Variants in MDH1 observed in about 807,000 individuals in gnomAD.
MDH1 encodes the protein malate dehydrogenase, cytoplasmic.
MDH1 carries 15 observed loss-of-function variants against 38.7 expected under a neutral mutation model. The ratio of observed to expected loss-of-function variants is 0.39; its 90% CI spans 0.26 to 0.60. MDH1 has a LOEUF of 0.60. MDH1 is among the 20% of genes least tolerant of loss of function. The probability of loss-of-function intolerance (pLI) is 0.56; values close to 1 mark genes in which losing one functional copy is unlikely to be tolerated. For missense variants in MDH1, 368 were observed against 405.2 expected (o/e 0.91, Z 0.79); for synonymous variants, 144 against 143.6 (o/e 1.00, Z -0.02).
At position 63,607,009 on chromosome 2, in the gene MDH1, T is replaced by C. The variant is rs752475056; in HGVS notation, c.*22T>C. 1 of 1,601,600 alleles carries C rather than the reference T, an allele frequency of 6.2e-7. No homozygotes were observed. Among genetic ancestry groups the C allele is most frequent in the Non-Finnish European group, 8.5e-7 (1 of 1,175,024 alleles). On this transcript the variant is annotated 3_prime_UTR_variant, in exon 9 of 9. Coordinates refer to ENST00000233114, the MANE Select transcript of MDH1 (RefSeq NM_005917.4). ...CTGACTAGACAATGATGTTACTAAA[T>C]GCTTCAAAGCTGAAGAATCTAAATG...
At chr2:63,592,783 A>G (rs1284846853) in intron 1 of MDH1, among the ~76,000 whole-genome samples, 1 of 152,214 alleles carries the variant, frequency 6.6e-6, no homozygotes, top group Non-Finnish European at 1.5e-5. Context: ...AGCAAATACC[A>G]GAGTTCCAAC....
chr2:63,601,005 T>G (rs75274505), intron 5 of MDH1, among the ~76,000 whole-genome samples: 6,968 of 152,270 alleles, frequency 0.046, 193 homozygotes, highest in South Asian at 0.073. Context: ...CAAAGGTACT[T>G]CAAAGAGATA....
At chr2:63,597,686 C>G (rs968789908) in intron 4 of MDH1, 112 bp downstream of exon 4, 1 of 961,962 alleles carries the variant, frequency 1.0e-6, no homozygotes, top group Non-Finnish European at 1.4e-6. Context: ...TCTGTACAAT[C>G]ATCAGTAAAT....
At chr2:63,594,244 A>G (rs1709259005) in intron 1 of MDH1, 1 of 588,248 alleles carries the variant, frequency 1.7e-6, no homozygotes, top group African/African-American at 1.8e-5. Flanking sequence ...AAATATCCCA[A>G]AAAAGGTGGA....
chr2:63,590,097 C>A (rs1431049318), intron 1 of MDH1: 3 of 152,292 alleles, frequency 2.0e-5, no homozygotes, highest in African/African-American at 7.2e-5. Flanking sequence ...AGGTGTTAAA[C>A]CTAGGTTTCC....
At chr2:63,590,299 A>G (rs1709161564) in intron 1 of MDH1, 1 of 152,162 alleles carries the variant, frequency 6.6e-6, no homozygotes, top group Non-Finnish European at 1.5e-5. Flanking sequence ...GAGTTTATCG[A>G]GACCCAAAGA....
chr2:63,598,558 T>A (rs934629660), intron 4 of MDH1, among the ~76,000 whole-genome samples: 1 of 152,194 alleles, frequency 6.6e-6, no homozygotes, highest in Non-Finnish European at 1.5e-5. Flanking sequence ...TGAAAGAAAA[T>A]TTTTTAAGAT....
Position 63,607,028 on chromosome 2 carries a change from C to CT in MDH1, c.*42dup. On this transcript the variant is annotated 3_prime_UTR_variant, in exon 9 of 9. Coordinates refer to ENST00000233114, the MANE Select transcript of MDH1 (RefSeq NM_005917.4). ...ACTAAATGCTTCAAAGCTGAAGAAT[C>CT]TAAATGTCGTCTTTGACTCAAGTAC... 6.4e-7 allele frequency: 1 copy of CT among 1,571,414 alleles called. No individual in the cohort carries two copies. Among genetic ancestry groups the CT allele is most frequent in the South Asian group, 1.2e-5 (1 of 84,110 alleles).
At chr2:63,590,952 T>C (rs987390356) in intron 1 of MDH1, 2 of 152,200 alleles carry the variant, frequency 1.3e-5, no homozygotes, top group African/African-American at 4.8e-5. Context: ...ATAAACTGTA[T>C]GAAGGAATCT....
rs1224657738 is a variant in MDH1, at chr2:63,597,589, A to G, written c.375+15A>G. 3.0e-6 allele frequency: 4 copies of G among 1,345,024 alleles called. No individual in the cohort carries two copies. Among genetic ancestry groups the G allele is most frequent in the East Asian group, 2.8e-5 (1 of 36,154 alleles). The allele number at this position is 1,345,024 out of a possible 1,614,324, so 83.3% of individuals were successfully genotyped here. On this transcript the variant is annotated intron_variant, in intron 4 of 8. Coordinates refer to ENST00000233114, the MANE Select transcript of MDH1 (RefSeq NM_005917.4). Reference sequence around the variant, plus strand: ...AGTCAGTTAAGGTGACCAATGCTGTATTTTATGGGATTTTTCATTATTAGC... The same window carrying G: ...AGTCAGTTAAGGTGACCAATGCTGTGTTTTATGGGATTTTTCATTATTAGC...
In MDH1 at chr2:63,593,771, T is replaced by C. The variant is rs545247661; in HGVS notation, c.4-717T>C. ...ATTGTTTTGTTCTTTTTAATAGATATATTTCTATCTTTTAAAATTCTGTCA... is the reference window on the plus strand; with the variant it reads ...ATTGTTTTGTTCTTTTTAATAGATACATTTCTATCTTTTAAAATTCTGTCA... On this transcript the variant is annotated intron_variant, in intron 1 of 8. Transcript: ENST00000233114. The C allele has an allele frequency of 8.1e-5, 35 of 432,078 alleles. 2 individuals carry two copies. The highest frequency in any genetic ancestry group is 1.6e-4 in the Non-Finnish European group (33 of 210,662). 26.8% of individuals were successfully genotyped at this position (432,078 alleles called of 1,614,324 possible).
chr2:63,595,556 T>G (rs1205554364), intron 3 of MDH1, 37 bp downstream of exon 3: 2 of 1,284,244 alleles, frequency 1.6e-6, no homozygotes, highest in African/African-American at 2.9e-5. Flanking sequence ...TTATGGTATT[T>G]GATTTCTTAC....
In MDH1 at chr2:63,595,350, CTA is replaced by C. The variant is rs1453070684; in HGVS notation, c.103-71_103-70del. 7.5e-6 allele frequency: 7 copies of C among 931,872 alleles called. No individual in the cohort carries two copies. The African/African-American group carries it at 8.1e-5, about 11-fold the overall frequency. The allele number at this position is 931,872 out of a possible 1,614,324, so 57.7% of individuals were successfully genotyped here. ...CATGCATGTACATACCAAATAAAAA[CTA>C]TGTGAAAAGACTTTCTTGTGTCTAA... On this transcript the variant is annotated intron_variant, in intron 2 of 8. Transcript: ENST00000233114.
At chr2:63,592,372 A>G (rs748116698) in intron 1 of MDH1, among the ~76,000 whole-genome samples, 28 of 152,296 alleles carry the variant, frequency 1.8e-4, no homozygotes, top group Non-Finnish European at 3.5e-4. Context: ...TTTGTTTGAG[A>G]CAGGATCTCA....
chr2:63,591,409 A>G (rs1398725301), intron 1 of MDH1, among the ~76,000 whole-genome samples: 2 of 152,230 alleles, frequency 1.3e-5, no homozygotes, highest in African/African-American at 4.8e-5. Flanking sequence ...TAATTTCCCC[A>G]AAGACACAGA....
chr2:63,596,747 C>T (rs1417785773), intron 3 of MDH1, among the ~76,000 whole-genome samples: 1 of 152,062 alleles, frequency 6.6e-6, no homozygotes, highest in Non-Finnish European at 1.5e-5. Context: ...CAAAGAAGTG[C>T]GATGACTTAT....
chr2:63,596,630 C>T (rs1308140068), intron 3 of MDH1, among the ~76,000 whole-genome samples: 3 of 152,124 alleles, frequency 2.0e-5, no homozygotes, highest in South Asian at 2.1e-4. Flanking sequence ...ACTGGTGTTC[C>T]TGTCTATGCC....
chr2:63,606,431 T>G (rs1276347406), intron 8 of MDH1, among the ~76,000 whole-genome samples: 1 of 152,170 alleles, frequency 6.6e-6, no homozygotes, highest in Non-Finnish European at 1.5e-5. Context: ...TTTACTAAAA[T>G]AGACATTTTT....
chr2:63,605,146 G>A, intron 6 of MDH1, 134 bp from the exon 7 acceptor site: 3 of 666,990 alleles, frequency 4.5e-6, no homozygotes, highest in Non-Finnish European at 7.8e-6. Context: ...GCTGACATTG[G>A]GTTGTTGCAT....
Sources: gnomAD v4.1 joint callset for allele counts (sites outside exome capture counted in the v4.1 genomes callset) on GRCh38, gnomAD v4.1.1 for gene constraint, MANE v1.5 for transcripts, NCBI Gene and HGNC (gene_info 2026-07-23, HGNC 2026-07-21) for gene names.